The following FGF13 variants were observed in gnomAD, a reference collection of about 807,000 sequenced individuals.
FGF13 encodes fibroblast growth factor 13.
FGF13 carries 2 observed loss-of-function variants against 19.5 expected under a neutral mutation model. The observed-to-expected ratio is 0.10, with a 90% CI of 0.04 to 0.32. The LOEUF (loss-of-function observed/expected upper bound fraction) is 0.32. Ranked by LOEUF, FGF13 falls within the 10% of genes least tolerant of loss-of-function variation. The pLI is 1.00. For missense variants in FGF13, 113 were observed against 192.7 expected, an observed-to-expected ratio of 0.59 and a Z score of 2.45; for synonymous variants, 72 against 76.9, an observed-to-expected ratio of 0.94 and a Z score of 0.33.
At chrX:139,093,815 C>A (rs2083453659) in intron 1 of FGF13, among the ~76,000 whole-genome samples, 1 of 111,973 alleles carries the variant, frequency 8.9e-6, no homozygotes, top group Non-Finnish European at 1.9e-5. Context: ...TATAACTGAG[C>A]CCTCCAATAG....
intron 3 of FGF13, among the ~76,000 whole-genome samples, chrX:138,655,169 G>A (rs755299642): frequency 8.9e-6 from 1 of 112,112 alleles, no homozygotes; most frequent in Non-Finnish European, 1.9e-5. Context: ...TTGTCAAACT[G>A]TTGCTCTGCA....
At chrX:139,046,694 C>T (rs1295643387) in intron 1 of FGF13, among the ~76,000 whole-genome samples, 1 of 111,512 alleles carries the variant, frequency 9.0e-6, no homozygotes, top group African/African-American at 3.3e-5. Flanking sequence ...CATTTCTCCA[C>T]CTCTTGAATT....
chrX:139,101,455 CTT>C lies in FGF13; in HGVS notation c.-113+101959_-113+101960del, dbSNP rs1304644995. Reference sequence around the variant, plus strand: ...TTGTTGTTTGTGGTTTATAATCAGACTTGGTATTATATTTTTACGTGTGAAAC... The same window carrying C: ...TTGTTGTTTGTGGTTTATAATCAGACGGTATTATATTTTTACGTGTGAAAC... On this transcript the variant is annotated intron_variant, in intron 1 of 2. Coordinates refer to the FGF13 transcript ENST00000421460. Among the ~76,000 whole-genome samples the C allele has an allele frequency of 1.1e-4, 12 of 112,286 alleles. No homozygotes were observed. The East Asian group carries it at 3.4e-3, about 32-fold the overall frequency.
At chrX:139,147,746 C>T (rs1408221407) in intron 1 of FGF13, among the ~76,000 whole-genome samples, 2 of 110,795 alleles carry the variant, frequency 1.8e-5, no homozygotes, top group Non-Finnish European at 3.8e-5. Flanking sequence ...TGTCTCCGTG[C>T]GTCTCCAAAT....
In FGF13 at chrX:138,625,553, T is replaced by G. The variant is rs1203888789; in HGVS notation, c.*7297A>C. On this transcript the variant is annotated 3_prime_UTR_variant, in exon 5 of 5. Transcript: ENST00000315930. The stretch of plus-strand genomic sequence containing the variant: ...TATCTTAGCCATATAAAGAGGGAGC[T>G]CCTTCCATTTACATAAACATGGATG... 2.1e-5 allele frequency: 2 copies of G among 95,133 alleles called. No homozygotes were observed. The highest frequency in any genetic ancestry group is 4.1e-5 in the Non-Finnish European group (2 of 48,341). The allele number at this position is 95,133 out of a possible 1,213,427, so 7.8% of individuals were successfully genotyped here. A position where few individuals can be genotyped will look rare whatever the true frequency, so the allele number is the denominator to read the frequency against.
intron 1 of FGF13, among the ~76,000 whole-genome samples, chrX:139,037,375 AC>A (rs1241823564): frequency 9.0e-6 from 1 of 111,213 alleles, no homozygotes. Context: ...GTAGTAAAAA[AC>A]AGTATAGAAT....
chrX:138,841,328 A>G (rs976624978), intron 3 of FGF13, among the ~76,000 whole-genome samples: 1 of 111,153 alleles, frequency 9.0e-6, no homozygotes, highest in Non-Finnish European at 1.9e-5. Context: ...CCTCCCCTCA[A>G]GCTCAACCAA....
At position 138,621,944 on chromosome X, in the gene FGF13, A is replaced by C. The variant is rs1456544326; in HGVS notation, c.*10906T>G. The C allele has an allele frequency of 9.0e-6, 1 of 111,062 alleles. No individual in the cohort carries two copies. Among genetic ancestry groups the C allele is most frequent in the Non-Finnish European group, 1.9e-5 (1 of 52,894 alleles). The allele number at this position is 111,062 out of a possible 1,213,427, so 9.2% of individuals were successfully genotyped here. On this transcript the variant is annotated 3_prime_UTR_variant, in exon 5 of 5. Transcript: ENST00000315930. ...TAATGAAAAAGAATATTGAATCAGCAATTTTTTAAAAAAGAACTTCCCAAC... is the reference window on the plus strand; with the variant it reads ...TAATGAAAAAGAATATTGAATCAGCCATTTTTTAAAAAAGAACTTCCCAAC...
chrX:138,957,015 C>T (rs2091844426), intron 1 of FGF13, among the ~76,000 whole-genome samples: 1 of 111,893 alleles, frequency 8.9e-6, no homozygotes, highest in African/African-American at 3.2e-5. Context: ...AAATCAATTA[C>T]ACTGTAATCA....
chrX:138,813,828 T>C (rs908161312), intron 3 of FGF13, among the ~76,000 whole-genome samples: 1 of 111,702 alleles, frequency 9.0e-6, no homozygotes, highest in African/African-American at 3.2e-5. Context: ...TTATGAGTAT[T>C]CTCATTGGTT....
At chrX:138,745,640 G>A (rs1168257013) in intron 3 of FGF13, among the ~76,000 whole-genome samples, 1 of 112,158 alleles carries the variant, frequency 8.9e-6, no homozygotes, top group African/African-American at 3.2e-5. Flanking sequence ...CATTTATCTT[G>A]AAGATTCTCT....
At chrX:139,153,539 T>G (rs913438743) in intron 1 of FGF13, among the ~76,000 whole-genome samples, 6 of 110,860 alleles carry the variant, frequency 5.4e-5, no homozygotes, top group African/African-American at 2.0e-4. Context: ...TTTTAATCCA[T>G]ATAAATCAAC....
chrX:138,896,798 TCAACCTTAC>T (rs1371756770), intron 1 of FGF13, among the ~76,000 whole-genome samples: 22 of 111,763 alleles, frequency 2.0e-4, no homozygotes, highest in Non-Finnish European at 3.6e-4. Context: ...AATGCCTCCC[TCAACCTTAC>T]CTGTGCCACT....
rs200406325 is a variant in FGF13, at chrX:138,707,128, AG to A, written c.298+1689del. On this transcript the variant is annotated intron_variant, in intron 2 of 4. Coordinates refer to ENST00000315930, the MANE Select transcript of FGF13 (RefSeq NM_004114.5). ...GAGTAAAACCTACTGTATGATTTAA[AG>A]CTCCACAGTAAGAAATGGAGCCTTG... Among the ~76,000 whole-genome samples, 596 of 111,839 alleles carry A rather than the reference AG, an allele frequency of 5.3e-3. 8 individuals are homozygous for A. Among genetic ancestry groups the A allele is most frequent in the African/African-American group, 0.019 (571 of 30,808 alleles).
intron 1 of FGF13, among the ~76,000 whole-genome samples, chrX:138,984,554 GAA>G (rs2091980808): frequency 2.5e-5 from 1 of 39,652 alleles, no homozygotes; most frequent in African/African-American, 9.0e-5. Flanking sequence ...AGAAGAAGAA[GAA>G]GAAGAAGAAG....
At chrX:138,852,947 C>T (rs1318904834), downstream of FGF13, among the ~76,000 whole-genome samples, 2 of 109,643 alleles carry the variant, frequency 1.8e-5, no homozygotes, top group East Asian at 2.9e-4. Flanking sequence ...CCAACAAACA[C>T]ATTAGAAAAA....
At chrX:139,132,702 T>C (rs2083769969) in intron 1 of FGF13, among the ~76,000 whole-genome samples, 2 of 112,604 alleles carry the variant, frequency 1.8e-5, no homozygotes, top group Admixed American at 9.4e-5. Flanking sequence ...ATCTTGACTA[T>C]GGGAATTCTT....
intron 3 of FGF13, among the ~76,000 whole-genome samples, chrX:138,665,829 C>G (rs928798676): frequency 1.8e-5 from 2 of 109,792 alleles, no homozygotes; most frequent in Non-Finnish European, 3.8e-5. Flanking sequence ...TAAGACAGGG[C>G]AGCAAAAGGT....
intron 1 of FGF13, among the ~76,000 whole-genome samples, chrX:139,148,778 A>G (rs1188420681): frequency 9.0e-6 from 1 of 111,177 alleles, no homozygotes; most frequent in Non-Finnish European, 1.9e-5. Context: ...AGCTGTACTG[A>G]GTGTGCTCCT....
Sources: gnomAD v4.1 joint callset for allele counts (sites outside exome capture counted in the v4.1 genomes callset) on GRCh38, gnomAD v4.1.1 for gene constraint, MANE v1.5 for transcripts, NCBI Gene and HGNC (gene_info 2026-07-23, HGNC 2026-07-21) for gene names.